CEP112: variants seen among roughly 807,000 people sequenced by gnomAD.
CEP112 encodes centrosomal protein of 112 kDa.
A neutral mutation model predicts 153.0 loss-of-function variants in CEP112; 127 were observed. The ratio of observed to expected loss-of-function variants is 0.83; its 90% CI spans 0.72 to 0.96. The LOEUF (loss-of-function observed/expected upper bound fraction) is 0.96. Among genes scored for constraint, CEP112 ranks in the 40% least tolerant of loss-of-function variants. CEP112 has a pLI of 0.00. For missense variants in CEP112, 1,089 were observed against 1,101.2 expected, an observed-to-expected ratio of 0.99 and a Z score of 0.16; for synonymous variants, 358 against 374.4, an observed-to-expected ratio of 0.96 and a Z score of 0.51.
chr17:65,780,297 C>G (rs950127016), intron 21 of CEP112, among the ~76,000 whole-genome samples: 1 of 152,050 alleles, frequency 6.6e-6, no homozygotes, highest in African/African-American at 2.4e-5. Flanking sequence ...GTGAAACAAG[C>G]TTATGGAAAT....
chr17:65,684,853 A>G (rs192421901), intron 24 of CEP112, among the ~76,000 whole-genome samples: 4 of 152,326 alleles, frequency 2.6e-5, no homozygotes, highest in East Asian at 3.9e-4. Flanking sequence ...TCTTTGCACA[A>G]TGAAAAAGTC....
chr17:65,743,117 A>G lies in CEP112; in HGVS notation c.2558T>C (p.Phe853Ser), dbSNP rs1427685114. Residue 853 changes from phenylalanine (F) to serine (S), a missense_variant, in exon 23 of 27, where the codon TTT becomes TCT. Phe to Ser is a radical substitution (Grantham distance 155). Transcript: ENST00000535342. ...AATCAGCTGCTTCTTCTCATCTTCA[A>G]ACTTTTGTCTAACATCCTGGAGCCG... ...ERRLQDVRQK[F>S]EDEKKQLIRD... 1 of 1,612,420 alleles carries G rather than the reference A, an allele frequency of 6.2e-7. No homozygotes were observed.
chr17:65,701,907 T>G lies in CEP112; in HGVS notation c.2608-12689A>C, dbSNP rs150929402. Among the ~76,000 whole-genome samples the G allele has an allele frequency of 9.5e-3, 1,417 of 149,026 alleles. 24 individuals carry two copies. The highest frequency in any genetic ancestry group is 0.033 in the African/African-American group (1,357 of 40,572). On this transcript the variant is annotated intron_variant, in intron 23 of 26. Transcript: ENST00000535342. ...ACTTCTTTTTTTTTTTGTTTTTTTT[T>G]TTTTTTTTTGAGACGGAGTCTTGCT...
intron 24 of CEP112, among the ~76,000 whole-genome samples, chr17:65,681,041 G>T (rs1265999501): frequency 6.6e-6 from 1 of 152,170 alleles, no homozygotes; most frequent in Non-Finnish European, 1.5e-5. Context: ...ATATCAGGGG[G>T]CCACAGAAAG....
chr17:65,832,673 C>G (rs1394585555), intron 21 of CEP112, among the ~76,000 whole-genome samples: 15 of 150,576 alleles, frequency 1.0e-4, no homozygotes, highest in Middle Eastern at 3.4e-3. Context: ...ATTTCATGAA[C>G]AGACCAATAA....
intron 23 of CEP112, among the ~76,000 whole-genome samples, chr17:65,729,660 T>C (rs1185062419): frequency 2.0e-5 from 3 of 152,192 alleles, no homozygotes. Context: ...ATTCCAATAG[T>C]TTACTAACCA....
intron 8 of CEP112, among the ~76,000 whole-genome samples, chr17:66,074,044 T>C (rs2067394983): frequency 6.6e-6 from 1 of 152,036 alleles, no homozygotes; most frequent in South Asian, 2.1e-4. Flanking sequence ...GAAGTTCATA[T>C]AAATACCTTC....
chr17:65,638,773 C>T (rs1436692025), intron 25 of CEP112, among the ~76,000 whole-genome samples: 1 of 152,100 alleles, frequency 6.6e-6, no homozygotes. Flanking sequence ...AACTCTGAGG[C>T]CCTATCGCAG....
At chr17:65,941,665 A>G (rs12941672) in intron 18 of CEP112, 1 of 152,026 alleles carries the variant, frequency 6.6e-6, no homozygotes, top group Non-Finnish European at 1.5e-5. Context: ...TCAGGCTTCA[A>G]GAGAACCTAA....
intron 24 of CEP112, among the ~76,000 whole-genome samples, chr17:65,686,533 AG>A (rs1567862800): frequency 2.0e-5 from 3 of 152,178 alleles, no homozygotes; most frequent in African/African-American, 7.2e-5. Flanking sequence ...TCCTCCAGGG[AG>A]CACCTTTTCC....
At chr17:66,084,491 G>A (rs1257454319) in intron 8 of CEP112, among the ~76,000 whole-genome samples, 1 of 152,186 alleles carries the variant, frequency 6.6e-6, no homozygotes, top group African/African-American at 2.4e-5. Context: ...TAAAAAGAAT[G>A]AGATCCTGTC....
chr17:65,665,620 G>A (rs576477806), intron 24 of CEP112, among the ~76,000 whole-genome samples: 1 of 152,204 alleles, frequency 6.6e-6, no homozygotes, highest in Non-Finnish European at 1.5e-5. Context: ...GGAGAATGGA[G>A]CCAACAATAA....
chr17:65,830,382 G>C (rs1339990430), intron 21 of CEP112, among the ~76,000 whole-genome samples: 1 of 152,196 alleles, frequency 6.6e-6, no homozygotes, highest in East Asian at 1.9e-4. Flanking sequence ...AATTTCTCTA[G>C]ATTCAGTTTC....
intron 21 of CEP112, among the ~76,000 whole-genome samples, chr17:65,769,009 A>G (rs1246166006): frequency 6.6e-6 from 1 of 152,126 alleles, no homozygotes; most frequent in African/African-American, 2.4e-5. Context: ...CTATTTGCAG[A>G]TGACATGATT....
intron 8 of CEP112, among the ~76,000 whole-genome samples, chr17:66,094,915 T>C (rs2068278552): frequency 6.6e-6 from 1 of 152,030 alleles, no homozygotes; most frequent in African/African-American, 2.4e-5. Context: ...ACAATCCTAA[T>C]CATCAGAGAA....
intron 8 of CEP112, among the ~76,000 whole-genome samples, chr17:66,075,856 C>T (rs530454371): frequency 1.1e-4 from 16 of 152,256 alleles, no homozygotes; most frequent in African/African-American, 2.6e-4. Flanking sequence ...CTGCAGGACG[C>T]GGGAGACACC....
At chr17:65,814,662 T>C (rs1368050761) in intron 21 of CEP112, among the ~76,000 whole-genome samples, 2 of 152,148 alleles carry the variant, frequency 1.3e-5, no homozygotes, top group Non-Finnish European at 2.9e-5. Flanking sequence ...ATGTGTCCCC[T>C]GTCAAACCCT....
At chr17:65,929,656 A>G (rs2061054272) in intron 18 of CEP112, among the ~76,000 whole-genome samples, 1 of 151,682 alleles carries the variant, frequency 6.6e-6, no homozygotes, top group African/African-American at 2.4e-5. Context: ...TCTCTCCTGC[A>G]GTGTAATGTC....
intron 20 of CEP112, among the ~76,000 whole-genome samples, chr17:65,857,972 G>A (rs1430760235): frequency 2.0e-5 from 3 of 152,104 alleles, no homozygotes; most frequent in Non-Finnish European, 2.9e-5. Context: ...GTCAGTTTTG[G>A]TAAATTTTTA....
Sources: allele counts gnomAD v4.1 joint callset (sites outside exome capture counted in the v4.1 genomes callset), GRCh38; gene constraint gnomAD v4.1.1; transcripts MANE v1.5; gene names NCBI Gene and HGNC (gene_info 2026-07-23, HGNC 2026-07-21).